The following SELENOH variants were observed in gnomAD, a reference collection of about 807,000 sequenced individuals.
SELENOH encodes the protein selenoprotein H.
A neutral mutation model predicts 11.9 loss-of-function variants in SELENOH; 13 were observed. The ratio of observed to expected loss-of-function variants is 1.09; its 90% CI spans 0.71 to 1.74. The LOEUF is 1.74. Among genes scored for constraint, SELENOH ranks in the 40% most tolerant of loss-of-function variants. The pLI is 0.00. For synonymous variants in SELENOH, 96 were observed against 73.5 expected (o/e 1.31, Z -1.56); for missense variants, 223 against 170.3 (o/e 1.31, Z -1.72).
At chr11:57,742,432 A>C in intron 3 of SELENOH, 185 bp downstream of exon 3, 1 of 571,452 alleles carries the variant, frequency 1.7e-6, no homozygotes, top group Non-Finnish European at 3.1e-6. Context: ...AACAAAAAAA[A>C]GACACAATAT....
At chr11:57,741,780 C>T (rs760435060) in intron 1 of SELENOH, 29 bp from the exon 2 acceptor site, 5 of 1,601,574 alleles carry the variant, frequency 3.1e-6, no homozygotes, top group East Asian at 2.3e-5. Context: ...CCAGGGGCCC[C>T]GGTTTCTAAC....
At chr11:57,742,059 C>G (rs916136296) in intron 2 of SELENOH, 58 bp from the exon 3 acceptor site, 23 of 1,587,940 alleles carry the variant, frequency 1.4e-5, no homozygotes, top group Non-Finnish European at 1.9e-5. Context: ...CTCATGACTT[C>G]AGAGACGTGC....
Position 57,742,162 on chromosome 11 carries a change from T to G in SELENOH, c.314T>G (p.Leu105Arg). 1 of 1,612,160 alleles carries G rather than the reference T, an allele frequency of 6.2e-7. No homozygotes were observed. The change falls in exon 3 of 4, where the codon CTC becomes CGC. Residue 105 changes from leucine to arginine, a missense_variant. Leu to Arg is a moderately radical substitution (Grantham distance 102). Transcript: ENST00000534355. Reference sequence around the variant, plus strand: ...ATTAAGAAGGGGCCCCCACGCAAACTCAAATTCCCTGAGCCTCAAGAGGTG... The same window carrying G: ...ATTAAGAAGGGGCCCCCACGCAAACGCAAATTCCCTGAGCCTCAAGAGGTG... ...TGIKKGPPRK[L>R]KFPEPQEVVE...
At position 57,741,726 on chromosome 11, in the gene SELENOH, C is replaced by T. The variant is rs770358910; in HGVS notation, c.122+9C>T. On this transcript the variant is annotated intron_variant, in intron 1 of 3. Coordinates refer to ENST00000534355, the MANE Select transcript of SELENOH (RefSeq NM_170746.4). ...GTTGTTATCGAGCATTGGTGAGGGG[C>T]CTGGAGAGTAACGGGAGAGAGGGAA... is the stretch of plus-strand genomic sequence containing the variant. The T allele has an allele frequency of 1.3e-6, 2 of 1,591,060 alleles. No individual in the cohort carries two copies. The highest frequency in any genetic ancestry group is 1.7e-6 in the Non-Finnish European group (2 of 1,171,610).
Position 57,741,812 on chromosome 11 carries a change from T to TA in SELENOH, c.127dup (p.Ser43LysfsTer56), listed in dbSNP as rs1440038691. ...TAACCTCTCCGTCTCTCCCTAGCAC[T>TA]AGCTGACGCGTCTATGGGCGCAACG... On this transcript the variant is annotated frameshift_variant, in exon 2 of 4. Transcript: ENST00000534355. LOFTEE classifies it high-confidence loss of function. The TA allele has an allele frequency of 6.2e-7, 1 of 1,605,840 alleles. No individual in the cohort carries two copies. The highest frequency in any genetic ancestry group is 1.3e-5 in the African/African-American group (1 of 74,900).
chr11:57,741,878 G>A lies in SELENOH; in HGVS notation c.192G>A (p.Glu64=), dbSNP rs376466544. The change falls in exon 2 of 4, where the codon GAG becomes GAA. Residue 64 remains glutamate (E), a synonymous_variant. Transcript: ENST00000534355. ...LSQALRLEAP[E]LPVKVNPTKP... ...AGGCGCTGCGCCTGGAGGCCCCAGA[G>A]CTTCCAGTAAAGGTGAACCCGACGA... The A allele has an allele frequency of 1.7e-4, 274 of 1,600,044 alleles. No individual in the cohort carries two copies. Among genetic ancestry groups the A allele is most frequent in the Non-Finnish European group, 1.6e-4 (193 of 1,175,998 alleles).
In SELENOH at chr11:57,741,853, AGGC is replaced by A; in HGVS notation, c.169_171del (p.Ala57del). 6.2e-7 allele frequency: 1 copy of A among 1,605,774 alleles called. No individual in the cohort carries two copies. The highest frequency in any genetic ancestry group is 8.5e-7 in the Non-Finnish European group (1 of 1,176,824). On this transcript the variant is annotated inframe_deletion, in exon 2 of 4. Transcript: ENST00000534355. Reference sequence around the variant, plus strand: ...GGGCGCAACGCCGCGGCCCTGAGCCAGGCGCTGCGCCTGGAGGCCCCAGAGCTT... The same window carrying A: ...GGGCGCAACGCCGCGGCCCTGAGCCAGCTGCGCCTGGAGGCCCCAGAGCTT...
intron 2 of SELENOH, 65 bp from the exon 3 acceptor site, chr11:57,742,052 A>C: frequency 6.3e-7 from 1 of 1,586,128 alleles, no homozygotes; most frequent in Non-Finnish European, 8.6e-7. Flanking sequence ...CGGCAGTCTC[A>C]TGACTTCAGA....
intron 3 of SELENOH, 64 bp downstream of exon 3, chr11:57,742,311 G>C (rs1190662341): frequency 1.6e-6 from 2 of 1,248,368 alleles, no homozygotes; most frequent in Non-Finnish European, 2.3e-6. Flanking sequence ...ATCTTGGTGT[G>C]GCTACAAGTA....
In SELENOH at chr11:57,742,107, G is replaced by C. The variant is rs544488180; in HGVS notation, c.269-10G>C. 5 of 1,608,070 alleles carry C rather than the reference G, an allele frequency of 3.1e-6. No individual in the cohort carries two copies. In the East Asian group the frequency reaches 6.7e-5, roughly 22 times the overall value. On this transcript the variant is annotated splice_polypyrimidine_tract_variant and intron_variant, in intron 2 of 3. Coordinates refer to ENST00000534355, the MANE Select transcript of SELENOH (RefSeq NM_170746.4). ...AAGTATTGTAACTTCGCTTCATTCT[G>C]GCCTTTCAGGTGCGGAGCTCTGGAC...
intron 3 of SELENOH, chr11:57,742,459 T>C (rs1949111492): frequency 2.0e-6 from 1 of 501,150 alleles, no homozygotes; most frequent in African/African-American, 1.9e-5. Context: ...CTGTCTAGTG[T>C]GCCCTAAGTG....
rs756524130 is a variant in SELENOH, at chr11:57,741,803, C to T, written c.123-6C>T. Reference sequence around the variant, plus strand: ...CCCGGTTTCTAACCTCTCCGTCTCTCCCTAGCACTAGCTGACGCGTCTATG... The same window carrying T: ...CCCGGTTTCTAACCTCTCCGTCTCTTCCTAGCACTAGCTGACGCGTCTATG... On this transcript the variant is annotated splice_region_variant and splice_polypyrimidine_tract_variant and intron_variant, in intron 1 of 3. Transcript: ENST00000534355. The T allele has an allele frequency of 6.2e-6, 10 of 1,605,144 alleles. No homozygotes were observed. In the African/African-American group the frequency reaches 1.1e-4, roughly 17 times the overall value.
chr11:57,741,888 A>G lies in SELENOH; in HGVS notation c.202A>G (p.Lys68Glu). The G allele has an allele frequency of 6.3e-7, 1 of 1,594,492 alleles. No individual in the cohort carries two copies. Among genetic ancestry groups the G allele is most frequent in the Non-Finnish European group, 8.5e-7 (1 of 1,174,846 alleles). ...LRLEAPELPV[K>E]VNPTKPRRGS... ...CCTGGAGGCCCCAGAGCTTCCAGTAAAGGTGAACCCGACGAAGCCCCGGAG... is the reference window on the plus strand; with the variant it reads ...CCTGGAGGCCCCAGAGCTTCCAGTAGAGGTGAACCCGACGAAGCCCCGGAG... The change falls in exon 2 of 4, where the codon AAG (lysine) becomes GAG (glutamate). Residue 68 changes from lysine (K) to glutamate (E), a missense_variant. Lys to Glu is a moderately conservative substitution (Grantham distance 56, BLOSUM62 1). Coordinates refer to ENST00000534355, the MANE Select transcript of SELENOH (RefSeq NM_170746.4).
At chr11:57,742,010 C>T in intron 2 of SELENOH, 56 bp downstream of exon 2, 1 of 1,581,140 alleles carries the variant, frequency 6.3e-7, no homozygotes, top group Non-Finnish European at 8.6e-7. Flanking sequence ...GACGTGGGTT[C>T]CGAAGACAGG....
At position 57,741,649 on chromosome 11, in the gene SELENOH, C is replaced by CGAGAAGCGA; in HGVS notation, c.62_70dup (p.Arg21_Lys23dup). On this transcript the variant is annotated inframe_insertion, in exon 1 of 4. Transcript: ENST00000534355. ...CTGAGGCCGCGGTGGTCGCCGTAGCCGAGAAGCGAGAGAAGCTGGCGAACG... is the reference window on the plus strand; with the variant it reads ...CTGAGGCCGCGGTGGTCGCCGTAGCCGAGAAGCGAGAGAAGCGAGAGAAGCTGGCGAACG... 7.0e-7 allele frequency: 1 copy of CGAGAAGCGA among 1,424,192 alleles called. No individual in the cohort carries two copies. The allele number at this position is 1,424,192 out of a possible 1,614,324, so 88.2% of individuals were successfully genotyped here.
intron 3 of SELENOH, 179 bp downstream of exon 3, chr11:57,742,426 A>T: frequency 1.7e-6 from 1 of 573,840 alleles, no homozygotes; most frequent in Non-Finnish European, 3.1e-6. Flanking sequence ...ACAAAAAACA[A>T]AAAAAAGACA....
At chr11:57,742,414 AAAC>A (rs1949109028) in intron 3 of SELENOH, 167 bp downstream of exon 3, 1 of 578,672 alleles carries the variant, frequency 1.7e-6, no homozygotes, top group South Asian at 2.1e-5. Flanking sequence ...CCCTATTTGA[AAAC>A]AAAAAACAAA....
Position 57,742,264 on chromosome 11 carries a change from G to A in SELENOH, c.*30+17G>A, listed in dbSNP as rs746572071. On this transcript the variant is annotated intron_variant, in intron 3 of 3. Transcript: ENST00000534355. ...CATGCTGAGGTTTGAAATGGGAAGT[G>A]GGGGGCGCGACCGCTGTTGAGGAAG... is the stretch of plus-strand genomic sequence containing the variant. 1 of 1,518,224 alleles carries A rather than the reference G, an allele frequency of 6.6e-7. No homozygotes were observed. The highest frequency in any genetic ancestry group is 2.4e-5 in the East Asian group (1 of 42,148). 94.0% of individuals were successfully genotyped at this position (1,518,224 alleles called of 1,614,324 possible).
rs1949130365 is a variant in SELENOH, at chr11:57,743,304, C to T, written c.*472C>T. The T allele has an allele frequency of 6.6e-6, 1 of 152,126 alleles. No individual in the cohort carries two copies. The highest frequency in any genetic ancestry group is 2.4e-5 in the African/African-American group (1 of 41,412). The allele number at this position is 152,126 out of a possible 1,614,324, so 9.4% of individuals were successfully genotyped here. A position where few individuals can be genotyped will look rare whatever the true frequency, so the allele number is the denominator to read the frequency against. ...AGTAGCTGGGATCACAGGTGCACAC[C>T]ACCACGCCTGGCTAATTTTTTTATT... On this transcript the variant is annotated 3_prime_UTR_variant, in exon 4 of 4. Transcript: ENST00000534355.
Sources: allele counts gnomAD v4.1 joint callset, GRCh38; gene constraint gnomAD v4.1.1; transcripts MANE v1.5; gene names NCBI Gene and HGNC (gene_info 2026-07-23, HGNC 2026-07-21).